The following CDHR5 variants were observed in gnomAD, a reference collection of about 807,000 sequenced individuals.
CDHR5 encodes the protein cadherin related family member 5, also known as cadherin-related family member 5.
Under a neutral mutation model 69.5 loss-of-function variants are expected in CDHR5, and 82 were observed. The ratio of observed to expected loss-of-function variants is 1.18; its 90% CI spans 0.99 to 1.42. The LOEUF (loss-of-function observed/expected upper bound fraction) is 1.42, where lower values mean the gene tolerates loss of function less well. Among genes scored for constraint, CDHR5 ranks in the 40% most tolerant of loss-of-function variants. CDHR5 has a pLI of 0.00. For synonymous variants in CDHR5, 601 were observed against 510.2 expected, an observed-to-expected ratio of 1.18 and a Z score of -2.40; for missense variants, 1,293 against 1,168.9, an observed-to-expected ratio of 1.11 and a Z score of -1.55.
intron 8 of CDHR5, 36 bp from the exon 9 acceptor site, chr11:620,200 CT>C: frequency 6.2e-7 from 1 of 1,600,942 alleles, no homozygotes; most frequent in Non-Finnish European, 8.6e-7. Flanking sequence ...CCCCGGCCCC[CT>C]GAGGCCCAGG....
rs1054306250 is a variant in CDHR5, at chr11:624,766, C to T, written c.86-34G>A. ...TTGCAGAGGAGGGATCAGTGCCTCC[C>T]AGCCCCTGGCTCCCCGCCGCCCGTG... On this transcript the variant is annotated intron_variant, in intron 1 of 14. Coordinates refer to ENST00000397542, the MANE Select transcript of CDHR5 (RefSeq NM_021924.5). The surrounding 1 kb of genome is among the most constrained non-coding windows in gnomAD (Gnocchi z 5.3). 2.5e-6 allele frequency: 4 copies of T among 1,603,424 alleles called. No homozygotes were observed. Among genetic ancestry groups the T allele is most frequent in the African/African-American group, 2.7e-5 (2 of 74,706 alleles).
Position 616,774 on chromosome 11 carries a change from G to GC in CDHR5, c.*576dup, listed in dbSNP as rs1185903247. On this transcript the variant is annotated 3_prime_UTR_variant, in exon 15 of 15. Transcript: ENST00000397542. ...GCCACACGGCGCACCCACCCCCAGC[G>GC]CGCCTCAGTCCAGGTCACTGGGCAG... 46 of 156,282 alleles carry GC rather than the reference G, an allele frequency of 2.9e-4. No homozygotes were observed. The highest frequency in any genetic ancestry group is 1.4e-5 in the Non-Finnish European group (1 of 69,026). 9.7% of individuals were successfully genotyped at this position (156,282 alleles called of 1,614,324 possible).
At position 621,057 on chromosome 11, in the gene CDHR5, C is replaced by T; in HGVS notation, c.789+23G>A. On this transcript the variant is annotated intron_variant, in intron 7 of 14. Coordinates refer to ENST00000397542, the MANE Select transcript of CDHR5 (RefSeq NM_021924.5). The surrounding 1 kb of genome is among the most constrained non-coding windows in gnomAD (Gnocchi z 4.4). ...CCTGCCTAGAAGGCCCTGCCCCGTGCACTGCCCCTCCCTCCCCATTACCAG... is the reference window on the plus strand; with the variant it reads ...CCTGCCTAGAAGGCCCTGCCCCGTGTACTGCCCCTCCCTCCCCATTACCAG... The T allele has an allele frequency of 6.6e-7, 1 of 1,510,210 alleles. No homozygotes were observed. The highest frequency in any genetic ancestry group is 1.4e-5 in the African/African-American group (1 of 71,906). 93.6% of individuals were successfully genotyped at this position (1,510,210 alleles called of 1,614,324 possible). A position where few individuals can be genotyped will look rare whatever the true frequency, so the allele number is the denominator to read the frequency against.
chr11:623,266 T>G (rs1857527651), intron 3 of CDHR5, among the ~76,000 whole-genome samples: 1 of 151,976 alleles, frequency 6.6e-6, no homozygotes, highest in Non-Finnish European at 1.5e-5. Context: ...CCGAGATCGC[T>G]CCACTGCACG....
At position 624,209 on chromosome 11, in the gene CDHR5, T is replaced by TCACC; in HGVS notation, c.312_312+3dup. On this transcript the variant is annotated splice_donor_region_variant and intron_variant, in intron 3 of 14. Transcript: ENST00000397542. The surrounding 1 kb of genome is among the most constrained non-coding windows in gnomAD (Gnocchi z 5.3). ...GGGGCGGGGAGAGCGGGGCGGGGACTCACCAATGTGCCTCCGCTCTGACAC... is the reference window on the plus strand; with the variant it reads ...GGGGCGGGGAGAGCGGGGCGGGGACTCACCCACCAATGTGCCTCCGCTCTGACAC... The TCACC allele has an allele frequency of 1.3e-6, 1 of 760,872 alleles. No homozygotes were observed. Among genetic ancestry groups the TCACC allele is most frequent in the South Asian group, 1.4e-5 (1 of 71,890 alleles). The allele number at this position is 760,872 out of a possible 1,614,324, so 47.1% of individuals were successfully genotyped here.
rs937024606 is a variant in CDHR5 at position 619,176 on chromosome 11, G to A, written c.1383C>T (p.Val461=). ...TTCCTCCAGCCTCTGGGGATGGGGG[G>A]ACATCTGGGGGCCGGGAACAGTGCT... The part of the protein sequence containing the change: ...VSEQEPPSTD[V]PPSPEAGGTT... The change falls in exon 13 of 15, where the codon GTC becomes GTT. Residue 461 remains valine, a synonymous_variant. Coordinates refer to ENST00000397542, the MANE Select transcript of CDHR5 (RefSeq NM_021924.5). The A allele has an allele frequency of 2.6e-6, 4 of 1,531,328 alleles. No individual in the cohort carries two copies. The highest frequency in any genetic ancestry group is 3.5e-6 in the Non-Finnish European group (4 of 1,137,076). 94.9% of individuals were successfully genotyped at this position (1,531,328 alleles called of 1,614,324 possible). A position where few individuals can be genotyped will look rare whatever the true frequency, so the allele number is the denominator to read the frequency against.
At position 621,344 on chromosome 11, in the gene CDHR5, C is replaced by G. The variant is rs1378450882; in HGVS notation, c.618+1G>C. The G allele has an allele frequency of 6.2e-7, 1 of 1,612,876 alleles. No individual in the cohort carries two copies. Among genetic ancestry groups the G allele is most frequent in the Non-Finnish European group, 8.5e-7 (1 of 1,179,750 alleles). ...ACTCGGGGCTGGGGTGACCTGCTCACCCGCACCAGCAGCCAGAAGGTCATG... is the reference window on the plus strand; with the variant it reads ...ACTCGGGGCTGGGGTGACCTGCTCAGCCGCACCAGCAGCCAGAAGGTCATG... On this transcript the variant is annotated splice_donor_variant, in intron 6 of 14. Coordinates refer to ENST00000397542, the MANE Select transcript of CDHR5 (RefSeq NM_021924.5). LOFTEE classifies it high-confidence loss of function. The surrounding 1 kb of genome is among the most constrained non-coding windows in gnomAD (Gnocchi z 4.4).
chr11:617,188 TGAC>T lies in CDHR5; in HGVS notation c.*160_*162del. 1 of 618,844 alleles carries T rather than the reference TGAC, an allele frequency of 1.6e-6. No individual in the cohort carries two copies. Among genetic ancestry groups the T allele is most frequent in the Non-Finnish European group, 2.9e-6 (1 of 344,254 alleles). 38.3% of individuals were successfully genotyped at this position (618,844 alleles called of 1,614,324 possible). ...CTGCACACCTGGGCTCAAGCGCTAA[TGAC>T]GACAGGGGACTGAGTGAATGGGACC... On this transcript the variant is annotated 3_prime_UTR_variant, in exon 15 of 15. Coordinates refer to ENST00000397542, the MANE Select transcript of CDHR5 (RefSeq NM_021924.5).
At position 616,946 on chromosome 11, in the gene CDHR5, A is replaced by C; in HGVS notation, c.*405T>G. 4.6e-6 allele frequency: 1 copy of C among 219,392 alleles called. No individual in the cohort carries two copies. The highest frequency in any genetic ancestry group is 9.2e-6 in the Non-Finnish European group (1 of 108,752). 13.6% of individuals were successfully genotyped at this position (219,392 alleles called of 1,614,324 possible). A position where few individuals can be genotyped will look rare whatever the true frequency, so the allele number is the denominator to read the frequency against. ...CAGCCTCCCCAGGCAATCTCTGTGTAGGGTCGGGAGCGGGAGGTCTGAGAT... is the reference window on the plus strand; with the variant it reads ...CAGCCTCCCCAGGCAATCTCTGTGTCGGGTCGGGAGCGGGAGGTCTGAGAT... On this transcript the variant is annotated 3_prime_UTR_variant, in exon 15 of 15. Coordinates refer to ENST00000397542, the MANE Select transcript of CDHR5 (RefSeq NM_021924.5).
Position 619,213 on chromosome 11 carries a change from C to T in CDHR5, c.1379-33G>A, listed in dbSNP as rs768455203. ...CCGGGAACAGTGCTTGGGCTTGCCTCTGCCCGCCCCTTGCACACCTACCGC... is the reference window on the plus strand; with the variant it reads ...CCGGGAACAGTGCTTGGGCTTGCCTTTGCCCGCCCCTTGCACACCTACCGC... On this transcript the variant is annotated intron_variant, in intron 12 of 14. Coordinates refer to ENST00000397542, the MANE Select transcript of CDHR5 (RefSeq NM_021924.5). 2.7e-6 allele frequency: 4 copies of T among 1,472,802 alleles called. No individual in the cohort carries two copies. The South Asian group carries it at 4.9e-5, about 18-fold the overall frequency. 91.2% of individuals were successfully genotyped at this position (1,472,802 alleles called of 1,614,324 possible).
At position 620,327 on chromosome 11, in the gene CDHR5, G is replaced by A; in HGVS notation, c.849C>T (p.Ile283=). 4.3e-6 allele frequency: 7 copies of A among 1,612,838 alleles called. No individual in the cohort carries two copies. The highest frequency in any genetic ancestry group is 5.9e-6 in the Non-Finnish European group (7 of 1,179,280). ...AGATGCTGTAGATGATGGGCTGGTT[G>A]ATGCCGCGGTCTCCGTCCTCAGCGT... ...PIYAEDGDRG[I]NQPIIYSIFR... is the part of the protein sequence containing the mutation. Residue 283 remains isoleucine, a synonymous_variant, in exon 8 of 15, where the codon ATC becomes ATT. Transcript: ENST00000397542.
Position 618,144 on chromosome 11 carries a change from G to A in CDHR5, c.1961-33C>T, listed in dbSNP as rs765427830. ...CGCAGTGGAAAACGTCATCATCCCC[G>A]CACTGTTGAGTGCCCCAGGCATTTC... is the stretch of plus-strand genomic sequence containing the variant. On this transcript the variant is annotated intron_variant, in intron 13 of 14. Coordinates refer to ENST00000397542, the MANE Select transcript of CDHR5 (RefSeq NM_021924.5). 9.4e-5 allele frequency: 148 copies of A among 1,567,778 alleles called. 1 individual carries two copies. The highest frequency in any genetic ancestry group is 1.2e-4 in the Non-Finnish European group (139 of 1,149,948).
rs972546791 is a variant in CDHR5 at position 619,604 on chromosome 11, T to C, written c.1180-17A>G. 1 of 1,609,494 alleles carries C rather than the reference T, an allele frequency of 6.2e-7. No individual in the cohort carries two copies. The highest frequency in any genetic ancestry group is 8.5e-7 in the Non-Finnish European group (1 of 1,176,018). ...GTTGAGGTCCTGGACAGGGTCTCATTGAGTCCCCGGCCAGGCTGCCTCCCA... is the reference window on the plus strand; with the variant it reads ...GTTGAGGTCCTGGACAGGGTCTCATCGAGTCCCCGGCCAGGCTGCCTCCCA... On this transcript the variant is annotated splice_polypyrimidine_tract_variant and intron_variant, in intron 10 of 14. Transcript: ENST00000397542.
At position 617,732 on chromosome 11, in the gene CDHR5, G is replaced by A. The variant is rs1300770001; in HGVS notation, c.2157C>T (p.Leu719=). The change falls in exon 15 of 15, where the codon CTC becomes CTT. Residue 719 remains leucine (L), a synonymous_variant. Coordinates refer to ENST00000397542, the MANE Select transcript of CDHR5 (RefSeq NM_021924.5). ...GCGCCCAGTTGGCCTTGTGGTCAGGGAGGAACGCCTGGTTGTCAAAGCCTT... is the reference window on the plus strand; with the variant it reads ...GCGCCCAGTTGGCCTTGTGGTCAGGAAGGAACGCCTGGTTGTCAAAGCCTT... The part of the protein sequence containing the change: ...QPQGFDNQAF[L]PDHKANWAPV... The A allele has an allele frequency of 1.4e-6, 2 of 1,460,702 alleles. No individual in the cohort carries two copies. Among genetic ancestry groups the A allele is most frequent in the Non-Finnish European group, 1.8e-6 (2 of 1,114,666 alleles). 90.5% of individuals were successfully genotyped at this position (1,460,702 alleles called of 1,614,324 possible). A position where few individuals can be genotyped will look rare whatever the true frequency, so the allele number is the denominator to read the frequency against.
rs551918647 is a variant in CDHR5 at position 621,842 on chromosome 11, G to A, written c.375C>T (p.Pro125=). 3 of 1,613,686 alleles carry A rather than the reference G, an allele frequency of 1.9e-6. No homozygotes were observed. Among genetic ancestry groups the A allele is most frequent in the East Asian group, 4.5e-5 (2 of 44,872 alleles). ...LDVNDNAPEF[P]FKTKEIRVEE... is the part of the protein sequence containing the mutation. ...CCACCCTTATCTCCTTGGTCTTAAA[G>A]GGGAATTCGGGGGCATTGTCATTGA... is the stretch of plus-strand genomic sequence containing the variant. Residue 125 remains proline (P), a synonymous_variant, in exon 4 of 15, where the codon CCC becomes CCT. Coordinates refer to ENST00000397542, the MANE Select transcript of CDHR5 (RefSeq NM_021924.5). This position sits in a 1 kb window ranked among gnomAD's most constrained non-coding sequence, Gnocchi z 4.4.
In CDHR5 at chr11:617,124, C is replaced by T. The variant is rs1337397384; in HGVS notation, c.*227G>A. 1 of 568,678 alleles carries T rather than the reference C, an allele frequency of 1.8e-6. No homozygotes were observed. Among genetic ancestry groups the T allele is most frequent in the Non-Finnish European group, 3.1e-6 (1 of 319,702 alleles). 35.2% of individuals were successfully genotyped at this position (568,678 alleles called of 1,614,324 possible). A position where few individuals can be genotyped will look rare whatever the true frequency, so the allele number is the denominator to read the frequency against. On this transcript the variant is annotated 3_prime_UTR_variant, in exon 15 of 15. Coordinates refer to ENST00000397542, the MANE Select transcript of CDHR5 (RefSeq NM_021924.5). The stretch of plus-strand genomic sequence containing the variant: ...GGTGGTTTACGGGAAGTGCTGCAGC[C>T]TTGGGGTGGGGACAGCGTGGCCAGA...
At chr11:622,580 C>G (rs1027158048) in intron 3 of CDHR5, among the ~76,000 whole-genome samples, 1 of 152,070 alleles carries the variant, frequency 6.6e-6, no homozygotes, top group Non-Finnish European at 1.5e-5. Context: ...CTGCCTCGGC[C>G]TCTGCCCACC....
chr11:624,235 A>T lies in CDHR5; in HGVS notation c.290T>A (p.Leu97Gln), dbSNP rs781127071. ...CACCAATGTGCCTCCGCTCTGACAC[A>T]GCAGCTGAGCCTCAAGCAGTGACTT... ...EEKSLLEAQL[L>Q]CQSGGTLVTQ... Residue 97 changes from leucine to glutamine, a missense_variant, in exon 3 of 15, where the codon CTG (leucine) becomes CAG (glutamine). Coordinates refer to ENST00000397542, the MANE Select transcript of CDHR5 (RefSeq NM_021924.5). This position sits in a 1 kb window ranked among gnomAD's most constrained non-coding sequence, Gnocchi z 5.3. The T allele has an allele frequency of 1.3e-6, 1 of 770,786 alleles. No homozygotes were observed. 47.7% of individuals were successfully genotyped at this position (770,786 alleles called of 1,614,324 possible). A position where few individuals can be genotyped will look rare whatever the true frequency, so the allele number is the denominator to read the frequency against.
rs757559909 is a variant in CDHR5, at chr11:624,694, TCTC to T, written c.121_123del (p.Glu41del). On this transcript the variant is annotated inframe_deletion, in exon 2 of 15. Transcript: ENST00000397542. This position sits in a 1 kb window ranked among gnomAD's most constrained non-coding sequence, Gnocchi z 5.3. ...ACCAGCGGCTCGGTGACATTTGTGT[TCTC>T]CTCTACTTCAAAGATGTCCTTGTTC... 1.1e-5 allele frequency: 17 copies of T among 1,612,202 alleles called. No homozygotes were observed. Among genetic ancestry groups the T allele is most frequent in the African/African-American group, 6.7e-5 (5 of 74,864 alleles).
Sources: allele counts gnomAD v4.1 joint callset (sites outside exome capture counted in the v4.1 genomes callset), GRCh38; gene constraint gnomAD v4.1.1; non-coding constraint Gnocchi (gnomAD v3.1); transcripts MANE v1.5; gene names NCBI Gene and HGNC (gene_info 2026-07-23, HGNC 2026-07-21).